Variants in TRRAP observed in about 807,000 individuals in gnomAD.
The protein encoded by TRRAP is transformation/transcription domain-associated protein.
TRRAP carries 41 observed loss-of-function variants against 438.8 expected under a neutral mutation model. The observed-to-expected ratio is 0.09, with a 90% confidence interval of 0.07 to 0.12. TRRAP has a LOEUF of 0.12. Among genes scored for constraint, TRRAP ranks in the 10% least tolerant of loss-of-function variants. The pLI, the probability that TRRAP is intolerant of heterozygous loss-of-function variation, is 1.00. For missense variants in TRRAP, 3,122 were observed against 5,055.1 expected (o/e 0.62, Z 11.60); for synonymous variants, 1,994 against 1,962.9 (o/e 1.02, Z -0.42).
intron 30 of TRRAP, among the ~76,000 whole-genome samples, chr7:98,941,694 T>C (rs1385825189): frequency 1.3e-5 from 2 of 152,102 alleles, no homozygotes; most frequent in Non-Finnish European, 2.9e-5. Context: ...TTTCAGGGAA[T>C]GTTGTTGGTA....
At chr7:98,923,115 C>A (rs1789875207) in intron 21 of TRRAP, among the ~76,000 whole-genome samples, 1 of 152,156 alleles carries the variant, frequency 6.6e-6, no homozygotes, top group Non-Finnish European at 1.5e-5. Context: ...GCTTCTAACC[C>A]AAACCTTCAT....
intron 33 of TRRAP, among the ~76,000 whole-genome samples, chr7:98,947,313 A>G (rs1554417092): frequency 6.6e-6 from 1 of 152,232 alleles, no homozygotes; most frequent in African/African-American, 2.4e-5. Context: ...GCAGTTTGTC[A>G]GCTTTATTTT....
At chr7:98,933,512 G>A (rs1338846264) in intron 27 of TRRAP, 110 bp downstream of exon 27, 1 of 1,432,034 alleles carries the variant, frequency 7.0e-7, no homozygotes, top group Non-Finnish European at 9.3e-7. Context: ...CTCGGGCGGG[G>A]ACCTGCAGGT....
rs767049738 is a variant in TRRAP at position 98,984,222 on chromosome 7, A to G, written c.9152A>G (p.Asn3051Ser). 2.5e-5 allele frequency: 40 copies of G among 1,614,100 alleles called. No individual in the cohort carries two copies. The highest frequency in any genetic ancestry group is 1.6e-4 in the Middle Eastern group (1 of 6,084). ...ATCGCCCGGAAACAAGGACTGGTCA[A>G]TGTAGCTCTGGATATATTAAGTCGG... ...GKIARKQGLVNVALDILSRIH... is the reference protein window; with the variant it reads ...GKIARKQGLVSVALDILSRIH... The change falls in exon 61 of 73, where the codon AAT becomes AGT. Residue 3051 changes from asparagine to serine, a missense_variant. Asn to Ser is a conservative substitution (Grantham distance 46, BLOSUM62 1). Around this residue, in one of 24 missense-constraint regions of TRRAP, gnomAD observed 129 missense variants for 279.2 expected, o/e 0.46. Transcript: ENST00000456197.
intron 30 of TRRAP, among the ~76,000 whole-genome samples, chr7:98,941,546 C>T (rs1790797529): frequency 6.6e-6 from 1 of 152,068 alleles, no homozygotes; most frequent in Admixed American, 6.6e-5. Context: ...CATTTTATTC[C>T]TTTGGGAAAA....
chr7:98,909,087 G>A, intron 14 of TRRAP, 125 bp downstream of exon 14: 2 of 894,622 alleles, frequency 2.2e-6, no homozygotes, highest in Non-Finnish European at 3.3e-6. Context: ...GCAGTGGCGT[G>A]ATCTCAGCTC....
chr7:98,881,799 G>A, intron 2 of TRRAP, 176 bp from the exon 3 acceptor site: 1 of 593,766 alleles, frequency 1.7e-6, no homozygotes. Context: ...GTATGTCTGG[G>A]AGTACAAATG....
intron 30 of TRRAP, 134 bp from the exon 31 acceptor site, chr7:98,942,815 G>C (rs1426084171): frequency 1.1e-6 from 1 of 903,674 alleles, no homozygotes; most frequent in African/African-American, 1.7e-5. Context: ...TAGTTAGATG[G>C]TTGCGCTGTT....
At position 98,988,752 on chromosome 7, in the gene TRRAP, T is replaced by G; in HGVS notation, c.9390-13T>G. The G allele has an allele frequency of 1.2e-6, 2 of 1,613,318 alleles. No individual in the cohort carries two copies. The highest frequency in any genetic ancestry group is 1.7e-6 in the Non-Finnish European group (2 of 1,179,634). On this transcript the variant is annotated splice_polypyrimidine_tract_variant and intron_variant, in intron 62 of 72. Coordinates refer to ENST00000456197, the MANE Select transcript of TRRAP (RefSeq NM_001375524.1). ...GAAAACCATACACGTTTTGGTTTTC[T>G]GTCTCCTCACAGGTCCGAGGAGGCA... is the stretch of plus-strand genomic sequence containing the variant.
At chr7:98,932,553 A>G (rs528924380) in intron 26 of TRRAP, among the ~76,000 whole-genome samples, 2 of 152,194 alleles carry the variant, frequency 1.3e-5, no homozygotes, top group South Asian at 2.1e-4. Context: ...TATGTTGCCC[A>G]GTCTGGCCTT....
intron 69 of TRRAP, among the ~76,000 whole-genome samples, chr7:99,006,447 T>A (rs1361725827): frequency 6.6e-6 from 1 of 152,224 alleles, no homozygotes; most frequent in African/African-American, 2.4e-5. Flanking sequence ...TGACCTGTAG[T>A]GTTGATTCCA....
chr7:98,949,284 C>G, intron 35 of TRRAP, 133 bp from the exon 36 acceptor site: 5 of 1,085,924 alleles, frequency 4.6e-6, no homozygotes, highest in East Asian at 3.1e-5. Flanking sequence ...GCGTGTGGTG[C>G]TTTTTTGGTA....
chr7:98,917,789 C>T, intron 20 of TRRAP, 110 bp downstream of exon 20: 1 of 1,384,516 alleles, frequency 7.2e-7, no homozygotes, highest in African/African-American at 1.5e-5. Flanking sequence ...GTGCAGCTCT[C>T]TGTTTAATTC....
chr7:99,006,375 A>G (rs1794164961), intron 69 of TRRAP, among the ~76,000 whole-genome samples: 2 of 152,236 alleles, frequency 1.3e-5, no homozygotes, highest in South Asian at 4.1e-4. Flanking sequence ...TTTTTTTAAA[A>G]GCCTAAAGAA....
At chr7:98,957,521 C>A (rs1462033354) in intron 43 of TRRAP, among the ~76,000 whole-genome samples, 1 of 152,168 alleles carries the variant, frequency 6.6e-6, no homozygotes, top group South Asian at 2.1e-4. Context: ...CTCCAGGGCC[C>A]GGGTGACCAG....
intron 25 of TRRAP, 92 bp from the exon 26 acceptor site, chr7:98,931,313 G>T (rs539549229): frequency 4.4e-5 from 67 of 1,538,988 alleles, no homozygotes; most frequent in Admixed American, 4.3e-4. Flanking sequence ...GGACCCCAGT[G>T]ACAGTCTTTA....
intron 4 of TRRAP, among the ~76,000 whole-genome samples, chr7:98,891,538 T>C (rs868973185): frequency 2.2e-5 from 3 of 138,670 alleles, no homozygotes; most frequent in Admixed American, 7.3e-5. Flanking sequence ...ATGTAGCTCT[T>C]TTTTTTTTTT....
rs531452542 is a variant in TRRAP at position 99,012,491 on chromosome 7, G to C, written c.*136G>C. 4.4e-5 allele frequency: 47 copies of C among 1,074,042 alleles called. No individual in the cohort carries two copies. The African/African-American group carries it at 7.0e-4, about 16-fold the overall frequency. The allele number at this position is 1,074,042 out of a possible 1,614,324, so 66.5% of individuals were successfully genotyped here. ...TCACTGGGTTGCGGTTATTTTCCTG[G>C]TAGTTTGCGTGTAAGAAAGGGAGAA... On this transcript the variant is annotated 3_prime_UTR_variant, in exon 73 of 73. Transcript: ENST00000456197. This position sits in a 1 kb window ranked among gnomAD's most constrained non-coding sequence, Gnocchi z 5.9.
Position 98,910,084 on chromosome 7 carries a change from C to A in TRRAP, c.1379C>A (p.Ala460Asp). ...TTCGTTCTCAAATTCCACACAATTG[C>A]TCGGTACCAGCTCTCTGCCATTTTT... ...EVFVLKFHTIARYQLSAIFKK... is the reference protein window; with the variant it reads ...EVFVLKFHTIDRYQLSAIFKK... The change falls in exon 15 of 73, where the codon GCT (alanine) becomes GAT (aspartate). Residue 460 changes from alanine to aspartate, a missense_variant. Physicochemically the swap from Ala to Asp is moderately radical, Grantham distance 126. Transcript: ENST00000456197. 1 of 1,557,742 alleles carries A rather than the reference C, an allele frequency of 6.4e-7. No individual in the cohort carries two copies.
Sources: allele counts gnomAD v4.1 joint callset (sites outside exome capture counted in the v4.1 genomes callset), GRCh38; gene constraint gnomAD v4.1.1; regional missense constraint gnomAD v4.1.1; non-coding constraint Gnocchi (gnomAD v3.1); transcripts MANE v1.5; gene names NCBI Gene and HGNC (gene_info 2026-07-23, HGNC 2026-07-21).